RBFOX1: variants seen among roughly 807,000 people sequenced by gnomAD.
RBFOX1 encodes the protein RNA binding protein fox-1 homolog 1.
A neutral mutation model predicts 57.7 loss-of-function variants in RBFOX1; 8 were observed. The observed-to-expected ratio is 0.14, with a 90% CI of 0.08 to 0.25. The LOEUF is 0.25. Ranked by LOEUF, RBFOX1 falls within the 10% of genes least tolerant of loss-of-function variation. RBFOX1 has a pLI of 1.00. For synonymous variants in RBFOX1, 326 were observed against 222.4 expected (o/e 1.47, Z -4.15); for missense variants, 611 against 548.5 (o/e 1.11, Z -1.14).
At chr16:7,273,957 T>C (rs887395985) in intron 4 of RBFOX1, among the ~76,000 whole-genome samples, 1 of 152,228 alleles carries the variant, frequency 6.6e-6, no homozygotes, top group African/African-American at 2.4e-5. Flanking sequence ...ATAATACTTT[T>C]TATTAAATCC....
intron 4 of RBFOX1, among the ~76,000 whole-genome samples, chr16:7,094,725 A>G (rs1301948079): frequency 7.4e-6 from 1 of 134,928 alleles, no homozygotes; most frequent in African/African-American, 2.6e-5. Flanking sequence ...ATGAACTGAA[A>G]TAAGGGCAGA....
chr16:7,391,751 C>A (rs1454872359), intron 4 of RBFOX1, among the ~76,000 whole-genome samples: 3 of 152,100 alleles, frequency 2.0e-5, no homozygotes, highest in Admixed American at 2.0e-4. Flanking sequence ...AGCATATGTG[C>A]CTTTTATACA....
rs555510594 is a variant in RBFOX1, at chr16:5,736,049, C to G, written c.319-131254C>G. Among the ~76,000 whole-genome samples, 4 of 152,152 alleles carry G rather than the reference C, an allele frequency of 2.6e-5. No individual in the cohort carries two copies. In the South Asian group the frequency reaches 8.3e-4, roughly 32 times the overall value. ...GGAACAAAGACGGTGACATGCTGACCTTAGAGTTCACAGGGGGATTTGGAC... is the reference window on the plus strand; with the variant it reads ...GGAACAAAGACGGTGACATGCTGACGTTAGAGTTCACAGGGGGATTTGGAC... On this transcript the variant is annotated intron_variant, in intron 3 of 19. Coordinates refer to the RBFOX1 transcript ENST00000641259.
At position 5,797,035 on chromosome 16, in the gene RBFOX1, A is replaced by C. The variant is rs544837119; in HGVS notation, c.319-70268A>C. Among the ~76,000 whole-genome samples the C allele has an allele frequency of 2.0e-5, 3 of 152,386 alleles. No individual in the cohort carries two copies. The South Asian group carries it at 6.2e-4, about 32-fold the overall frequency. On this transcript the variant is annotated intron_variant, in intron 3 of 19. Coordinates refer to the RBFOX1 transcript ENST00000641259. ...AACTGCAAAAGATGACAGTCTAATAAGTGCCATAAAGAAAATTAAATGGAA... is the reference window on the plus strand; with the variant it reads ...AACTGCAAAAGATGACAGTCTAATACGTGCCATAAAGAAAATTAAATGGAA...
chr16:6,984,422 A>C (rs2089751471), intron 3 of RBFOX1, among the ~76,000 whole-genome samples: 1 of 152,148 alleles, frequency 6.6e-6, no homozygotes, highest in Non-Finnish European at 1.5e-5. Context: ...GGGTATCTCC[A>C]GTGAGACGAA....
chr16:7,542,966 T>C (rs1051665915), intron 5 of RBFOX1, among the ~76,000 whole-genome samples: 3 of 152,106 alleles, frequency 2.0e-5, no homozygotes, highest in Non-Finnish European at 4.4e-5. Context: ...ATTACAACTA[T>C]AGGTACTGAC....
At chr16:6,981,403 T>C (rs2088828203) in intron 3 of RBFOX1, among the ~76,000 whole-genome samples, 2 of 152,182 alleles carry the variant, frequency 1.3e-5, no homozygotes, top group South Asian at 4.1e-4. Flanking sequence ...GGTCCATCCA[T>C]GTCCCTGCAA....
intron 2 of RBFOX1, among the ~76,000 whole-genome samples, chr16:6,559,822 C>G (rs1415301958): frequency 2.0e-5 from 3 of 152,112 alleles, no homozygotes; most frequent in Non-Finnish European, 4.4e-5. Flanking sequence ...AGACGACAAA[C>G]TGAAGTTGTT....
At chr16:7,444,051 C>G (rs2098790324) in intron 4 of RBFOX1, among the ~76,000 whole-genome samples, 1 of 152,164 alleles carries the variant, frequency 6.6e-6, no homozygotes, top group Admixed American at 6.5e-5. Flanking sequence ...GTTAGAGGTG[C>G]TAATATACAT....
At chr16:5,701,266 C>T (rs1002166013) in intron 3 of RBFOX1, among the ~76,000 whole-genome samples, 1 of 152,198 alleles carries the variant, frequency 6.6e-6, no homozygotes, top group Non-Finnish European at 1.5e-5. Context: ...AGCTAAAATA[C>T]AGCATAACAG....
intron 1 of RBFOX1, among the ~76,000 whole-genome samples, chr16:6,223,360 C>T (rs1228443293): frequency 1.3e-5 from 2 of 148,710 alleles, no homozygotes; most frequent in Non-Finnish European, 3.0e-5. Context: ...TCTCCAGCAC[C>T]TGTTGTTTCC....
At chr16:5,548,170 A>T (rs200157384) in intron 2 of RBFOX1, among the ~76,000 whole-genome samples, 430 of 40,320 alleles carry the variant, frequency 0.011, 1 homozygote, top group African/African-American at 0.018. Context: ...AAAAAAAAAA[A>T]AAAAATATAT....
intron 4 of RBFOX1, among the ~76,000 whole-genome samples, chr16:7,054,460 C>G (rs981445957): frequency 3.4e-5 from 5 of 149,008 alleles, no homozygotes; most frequent in Admixed American, 2.7e-4. Context: ...CCAGGATGGT[C>G]TCGATCTCCT....
At position 6,342,610 on chromosome 16, in the gene RBFOX1, T is replaced by C. The variant is rs917385643; in HGVS notation, c.-64+25553T>C. The stretch of plus-strand genomic sequence containing the variant: ...TTGCTGAGTGGCATCCACGTGGATG[T>C]CTATTAGAGAGTTAGGTATACATAT... On this transcript the variant is annotated intron_variant, in intron 2 of 15. Transcript: ENST00000550418. Among the ~76,000 whole-genome samples the C allele has an allele frequency of 2.6e-5, 4 of 152,280 alleles. No homozygotes were observed. In the South Asian group the frequency reaches 8.3e-4, roughly 32 times the overall value.
At chr16:6,085,990 C>G (rs569869919) in intron 1 of RBFOX1, among the ~76,000 whole-genome samples, 1 of 152,220 alleles carries the variant, frequency 6.6e-6, no homozygotes, top group East Asian at 1.9e-4. Context: ...CAGCCCCCTA[C>G]AGACCCCACT....
intron 3 of RBFOX1, among the ~76,000 whole-genome samples, chr16:5,793,225 C>T (rs1220387138): frequency 6.6e-6 from 1 of 152,250 alleles, no homozygotes; most frequent in Admixed American, 6.5e-5. Flanking sequence ...CCCAGCCCTG[C>T]TGTGCTGACC....
intron 1 of RBFOX1, among the ~76,000 whole-genome samples, chr16:5,284,755 G>GTTTTTTT (rs2063350890): frequency 3.5e-5 from 1 of 28,508 alleles, no homozygotes; most frequent in East Asian, 1.2e-3. Flanking sequence ...TTTTGGCTTA[G>GTTTTTTT]ATTTTTTTTT....
intron 1 of RBFOX1, among the ~76,000 whole-genome samples, chr16:6,240,461 C>T (rs1000181697): frequency 1.3e-5 from 2 of 152,036 alleles, no homozygotes; most frequent in Admixed American, 6.6e-5. Flanking sequence ...GTGAACCTTC[C>T]TCCCCTCCTT....
chr16:5,595,515 G>T (rs937811959), intron 2 of RBFOX1, among the ~76,000 whole-genome samples: 2 of 152,212 alleles, frequency 1.3e-5, no homozygotes, highest in Non-Finnish European at 2.9e-5. Context: ...GTGACAGCTG[G>T]TTCGGGACCC....
Sources: allele counts gnomAD v4.1 joint callset (sites outside exome capture counted in the v4.1 genomes callset), GRCh38; gene constraint gnomAD v4.1.1; transcripts MANE v1.5; gene names NCBI Gene and HGNC (gene_info 2026-07-23, HGNC 2026-07-21).